TAFA5: variants seen among roughly 807,000 people sequenced by gnomAD.
The protein encoded by TAFA5 is TAFA chemokine like family member 5.
In TAFA5, 6 loss-of-function variants were observed where a neutral mutation model predicts 15.3. The observed-to-expected ratio is 0.39, with a 90% CI of 0.21 to 0.77. The LOEUF (loss-of-function observed/expected upper bound fraction) is 0.77, where lower values mean the gene tolerates loss of function less well. Ranked by LOEUF, TAFA5 falls within the 30% of genes least tolerant of loss-of-function variation. TAFA5 has a pLI of 0.41. For synonymous variants in TAFA5, 103 were observed against 80.7 expected, an observed-to-expected ratio of 1.28 and a Z score of -1.48; for missense variants, 161 against 193.1, an observed-to-expected ratio of 0.83 and a Z score of 0.98.
At chr22:48,526,604 CTCATTGGTACG>C (rs1921790320) in intron 1 of TAFA5, among the ~76,000 whole-genome samples, 1 of 152,236 alleles carries the variant, frequency 6.6e-6, no homozygotes. Flanking sequence ...CGGGTGCATC[CTCATTGGTACG>C]TCCTTCCTGG....
chr22:48,688,482 G>C (rs1294087239), intron 2 of TAFA5, among the ~76,000 whole-genome samples: 2 of 152,176 alleles, frequency 1.3e-5, no homozygotes, highest in African/African-American at 4.8e-5. Context: ...GTCTTGTCTT[G>C]TGTCAGCCTC....
chr22:48,589,347 A>G (rs1448543548), intron 1 of TAFA5, among the ~76,000 whole-genome samples: 1 of 152,122 alleles, frequency 6.6e-6, no homozygotes, highest in Admixed American at 6.5e-5. Context: ...AGAAATGTAC[A>G]CCTGTGGGGT....
At chr22:48,719,428 T>A (rs1469019050) in intron 3 of TAFA5, among the ~76,000 whole-genome samples, 1 of 152,162 alleles carries the variant, frequency 6.6e-6, no homozygotes, top group African/African-American at 2.4e-5. Context: ...AGAGGGAGGC[T>A]GAGCTCAGGA....
chr22:48,549,509 A>T (rs1255420948), intron 1 of TAFA5, among the ~76,000 whole-genome samples: 2 of 152,232 alleles, frequency 1.3e-5, no homozygotes, highest in African/African-American at 2.4e-5. Context: ...TATTCATGGT[A>T]TTCATGTGGT....
chr22:48,492,956 T>C (rs564831265), intron 1 of TAFA5, among the ~76,000 whole-genome samples: 1 of 152,332 alleles, frequency 6.6e-6, no homozygotes. Context: ...GATGTGGTTC[T>C]TGCCTAGATG....
Position 48,707,842 on chromosome 22 carries a change from AC to A in TAFA5, c.389del (p.Thr130ArgfsTer9). 6.2e-7 allele frequency: 1 copy of A among 1,612,924 alleles called. No individual in the cohort carries two copies. Reference sequence around the variant, plus strand: ...GCCCGGCGGGAGGATAAAGACCACCACGGTATGTGGCCCTCGGCTTTCTCGT... The same window carrying A: ...GCCCGGCGGGAGGATAAAGACCACCAGGTATGTGGCCCTCGGCTTTCTCGT... ...TQPGGRIKTT[T>X]VS On this transcript the variant is annotated frameshift_variant and splice_region_variant, in exon 3 of 4. Transcript: ENST00000402357. LOFTEE classifies it high-confidence loss of function.
intron 1 of TAFA5, among the ~76,000 whole-genome samples, chr22:48,587,262 G>A (rs778033678): frequency 8.5e-5 from 13 of 152,144 alleles, no homozygotes; most frequent in Non-Finnish European, 1.6e-4. Flanking sequence ...GTTCTGGAGG[G>A]GTCTGCACAC....
chr22:48,543,437 G>T (rs1028992598), intron 1 of TAFA5: 1 of 152,204 alleles, frequency 6.6e-6, no homozygotes, highest in African/African-American at 2.4e-5. Context: ...AGGTGGTGGG[G>T]GCCTTGCCTC....
At position 48,493,463 on chromosome 22, in the gene TAFA5, C is replaced by A. The variant is rs187727510; in HGVS notation, c.112+3759C>A. Reference sequence around the variant, plus strand: ...TAGTGTTGCATTTCCTTTATAAATACAATTTATTGCATATTTAGGAGCGAT... The same window carrying A: ...TAGTGTTGCATTTCCTTTATAAATAAAATTTATTGCATATTTAGGAGCGAT... On this transcript the variant is annotated intron_variant, in intron 1 of 3. Coordinates refer to ENST00000402357, the MANE Select transcript of TAFA5 (RefSeq NM_001082967.3). Among the ~76,000 whole-genome samples the A allele has an allele frequency of 4.6e-4, 70 of 152,310 alleles. No individual in the cohort carries two copies. The East Asian group carries it at 8.9e-3, about 19-fold the overall frequency.
intron 1 of TAFA5, among the ~76,000 whole-genome samples, chr22:48,493,881 C>T (rs1431612212): frequency 6.6e-6 from 1 of 152,198 alleles, no homozygotes; most frequent in Non-Finnish European, 1.5e-5. Flanking sequence ...GCCGCATTTA[C>T]TCCTGGTGAT....
chr22:48,730,652 A>C (rs538693310), intron 3 of TAFA5, among the ~76,000 whole-genome samples: 35 of 152,292 alleles, frequency 2.3e-4, no homozygotes, highest in Non-Finnish European at 3.8e-4. Flanking sequence ...CTTTATTACT[A>C]TATCTGTTAC....
intron 2 of TAFA5, among the ~76,000 whole-genome samples, chr22:48,664,006 A>G (rs1483753006): frequency 1.3e-5 from 2 of 152,248 alleles, no homozygotes; most frequent in Non-Finnish European, 2.9e-5. Flanking sequence ...TGAGGTTGCT[A>G]AGATCTACAG....
chr22:48,622,277 T>C (rs964504951), intron 1 of TAFA5, among the ~76,000 whole-genome samples: 1 of 152,120 alleles, frequency 6.6e-6, no homozygotes, highest in Non-Finnish European at 1.5e-5. Context: ...AGGAGAGGGA[T>C]ACCTAGGACA....
intron 1 of TAFA5, among the ~76,000 whole-genome samples, chr22:48,511,862 G>A (rs972446719): frequency 1.1e-4 from 17 of 152,348 alleles, no homozygotes; most frequent in Non-Finnish European, 1.0e-4. Flanking sequence ...CGAGGCTGAT[G>A]TCTGGTCTTG....
chr22:48,739,735 C>T (rs1930126747), intron 3 of TAFA5, among the ~76,000 whole-genome samples: 1 of 152,140 alleles, frequency 6.6e-6, no homozygotes, highest in South Asian at 2.1e-4. Flanking sequence ...GTGATGGCTC[C>T]GCCTGCCTCT....
intron 2 of TAFA5, among the ~76,000 whole-genome samples, chr22:48,687,292 A>G (rs1928393506): frequency 6.8e-6 from 1 of 147,888 alleles, no homozygotes; most frequent in African/African-American, 2.5e-5. Context: ...GGACGGATGG[A>G]TGGGTGGATG....
intron 1 of TAFA5, among the ~76,000 whole-genome samples, chr22:48,567,821 A>G (rs1308455402): frequency 6.6e-6 from 1 of 152,120 alleles, no homozygotes; most frequent in African/African-American, 2.4e-5. Context: ...CTGGGGAATG[A>G]GGTCTCACAG....
intron 1 of TAFA5, among the ~76,000 whole-genome samples, chr22:48,565,195 G>A (rs144386145): frequency 1.3e-3 from 191 of 152,330 alleles, no homozygotes; most frequent in Middle Eastern, 6.8e-3. Context: ...CCAGGGAACA[G>A]GCAAGAACCC....
intron 2 of TAFA5, among the ~76,000 whole-genome samples, chr22:48,705,343 A>G (rs563073242): frequency 6.6e-6 from 1 of 152,190 alleles, no homozygotes; most frequent in East Asian, 1.9e-4. Context: ...ACTCCTCTCC[A>G]CTGCAGTCAT....
Sources: allele counts gnomAD v4.1 joint callset (sites outside exome capture counted in the v4.1 genomes callset), GRCh38; gene constraint gnomAD v4.1.1; transcripts MANE v1.5; gene names NCBI Gene and HGNC (gene_info 2026-07-23, HGNC 2026-07-21).